Variants in B3GALT1 observed in about 807,000 individuals in gnomAD.
B3GALT1 encodes beta-1,3-galactosyltransferase 1.
B3GALT1 carries 10 observed loss-of-function variants against 23.2 expected under a neutral mutation model. The observed-to-expected ratio is 0.43, with a 90% CI of 0.27 to 0.73. The LOEUF is 0.73. B3GALT1 is among the 30% of genes least tolerant of loss of function. The pLI is 0.21. For missense variants in B3GALT1, 299 were observed against 405.4 expected (o/e 0.74, Z 2.25); for synonymous variants, 156 against 141.5 (o/e 1.10, Z -0.73).
chr2:167,433,059 C>G (rs1450061594), intron 1 of B3GALT1, among the ~76,000 whole-genome samples: 3 of 152,306 alleles, frequency 2.0e-5, no homozygotes, highest in Admixed American at 6.5e-5. Context: ...TCACTGCCCT[C>G]AAAATACCTC....
chr2:167,391,094 T>C (rs1483346421), intron 1 of B3GALT1, among the ~76,000 whole-genome samples: 1 of 152,208 alleles, frequency 6.6e-6, no homozygotes, highest in Non-Finnish European at 1.5e-5. Flanking sequence ...ATGTGAAGGA[T>C]TCTAGTTTGC....
chr2:167,780,066 A>G (rs1308821477), intron 3 of B3GALT1, among the ~76,000 whole-genome samples: 6 of 152,198 alleles, frequency 3.9e-5, no homozygotes, highest in African/African-American at 1.4e-4. Flanking sequence ...GCAGGTTTGA[A>G]AGAGATTCGA....
At chr2:167,672,666 T>C (rs1574204903) in intron 3 of B3GALT1, among the ~76,000 whole-genome samples, 1 of 152,126 alleles carries the variant, frequency 6.6e-6, no homozygotes, top group Non-Finnish European at 1.5e-5. Flanking sequence ...CAAAAGTACT[T>C]ACCTTTAGGG....
intron 4 of B3GALT1, among the ~76,000 whole-genome samples, chr2:167,859,152 A>C (rs1027352763): frequency 6.6e-6 from 1 of 152,046 alleles, no homozygotes; most frequent in African/African-American, 2.4e-5. Context: ...CCCAGTGGAG[A>C]AGCCCCACCC....
chr2:167,824,280 A>ATGAT (rs1689167752), intron 4 of B3GALT1, among the ~76,000 whole-genome samples: 1 of 152,250 alleles, frequency 6.6e-6, no homozygotes, highest in Non-Finnish European at 1.5e-5. Context: ...ATGGCACAGA[A>ATGAT]TGATAGGATC....
intron 3 of B3GALT1, among the ~76,000 whole-genome samples, chr2:167,688,999 C>T (rs1031343460): frequency 6.6e-6 from 1 of 152,058 alleles, no homozygotes; most frequent in African/African-American, 2.4e-5. Flanking sequence ...GCACACTCCA[C>T]ATTACTTAAA....
At chr2:167,862,712 T>C (rs1690127722) in intron 4 of B3GALT1, 1 of 152,276 alleles carries the variant, frequency 6.6e-6, no homozygotes, top group Non-Finnish European at 1.5e-5. Context: ...TCCTAGGCCT[T>C]ACCTCTGGCT....
rs1690348602 is a variant in B3GALT1, at chr2:167,871,654, A to G, written c.*1634A>G. On this transcript the variant is annotated 3_prime_UTR_variant, in exon 5 of 5. Transcript: ENST00000392690. ...CTCTGGTTGGGGTATATTACAGTAAATGAAGCATATACTTTGCAAAATGCA... is the reference window on the plus strand; with the variant it reads ...CTCTGGTTGGGGTATATTACAGTAAGTGAAGCATATACTTTGCAAAATGCA... 6 of 152,194 alleles carry G rather than the reference A, an allele frequency of 3.9e-5. No homozygotes were observed. In the South Asian group the frequency reaches 1.2e-3, roughly 31 times the overall value. The allele number at this position is 152,194 out of a possible 1,614,324, so 9.4% of individuals were successfully genotyped here.
At chr2:167,527,329 TC>T (rs1238412954) in intron 2 of B3GALT1, among the ~76,000 whole-genome samples, 1 of 152,140 alleles carries the variant, frequency 6.6e-6, no homozygotes, top group Non-Finnish European at 1.5e-5. Context: ...CCCATTTTTT[TC>T]CTATTGGCTT....
chr2:167,507,193 G>C (rs577085429), intron 2 of B3GALT1, among the ~76,000 whole-genome samples: 1 of 152,202 alleles, frequency 6.6e-6, no homozygotes, highest in East Asian at 1.9e-4. Flanking sequence ...TCCAGTAACA[G>C]ATCTTGGTGA....
At chr2:167,572,764 C>T (rs79697087) in intron 2 of B3GALT1, among the ~76,000 whole-genome samples, 34 of 151,692 alleles carry the variant, frequency 2.2e-4, no homozygotes, top group Admixed American at 1.7e-3. Flanking sequence ...AAAATATGTC[C>T]GTATTTTTAC....
At chr2:167,657,238 A>G (rs1462193956) in intron 3 of B3GALT1, among the ~76,000 whole-genome samples, 1 of 152,060 alleles carries the variant, frequency 6.6e-6, no homozygotes, top group Non-Finnish European at 1.5e-5. Context: ...CTAAAGAGAT[A>G]TTTGAGCTGA....
Position 167,492,291 on chromosome 2 carries a change from A to G in B3GALT1, c.-410+2014A>G, listed in dbSNP as rs189026106. ...AGCAGTATGCTTTTAAGGTTCATCT[A>G]TGTTTTTCTGTGGCTTAATAGCTCA... On this transcript the variant is annotated intron_variant, in intron 2 of 4. Coordinates refer to ENST00000392690, the MANE Select transcript of B3GALT1 (RefSeq NM_020981.4). Among the ~76,000 whole-genome samples the G allele has an allele frequency of 1.2e-4, 19 of 152,292 alleles. 1 individual carries two copies. The highest frequency in any genetic ancestry group is 5.9e-4 in the Admixed American group (9 of 15,294).
At chr2:167,747,699 T>A (rs1370921401) in intron 3 of B3GALT1, among the ~76,000 whole-genome samples, 5 of 152,202 alleles carry the variant, frequency 3.3e-5, no homozygotes, top group Non-Finnish European at 5.9e-5. Flanking sequence ...GGGAACATAG[T>A]TTCCTGCGGA....
chr2:167,609,153 C>G (rs1312469060), intron 2 of B3GALT1, among the ~76,000 whole-genome samples: 1 of 152,102 alleles, frequency 6.6e-6, no homozygotes, highest in Non-Finnish European at 1.5e-5. Flanking sequence ...CAGAACCACA[C>G]CAACTGTCAT....
rs528587894 is a variant in B3GALT1, at chr2:167,445,463, G to A, written c.-510-44714G>A. On this transcript the variant is annotated intron_variant, in intron 1 of 4. Coordinates refer to ENST00000392690, the MANE Select transcript of B3GALT1 (RefSeq NM_020981.4). ...TTGATCTGTCTAATGTTGACAGTGG[G>A]GTGTTAAAGTCTTCCATTATTATTG... is the stretch of plus-strand genomic sequence containing the variant. 2.6e-5 allele frequency among the ~76,000 whole-genome samples: 4 copies of A among 152,196 alleles called. No individual in the cohort carries two copies. The East Asian group carries it at 7.7e-4, about 29-fold the overall frequency.
At chr2:167,471,637 A>G (rs1459746105) in intron 1 of B3GALT1, among the ~76,000 whole-genome samples, 3 of 152,208 alleles carry the variant, frequency 2.0e-5, no homozygotes, top group African/African-American at 4.8e-5. Flanking sequence ...TTTCCAAATT[A>G]CTTATAAGAT....
intron 2 of B3GALT1, among the ~76,000 whole-genome samples, chr2:167,492,712 A>G (rs961862600): frequency 2.0e-5 from 3 of 152,188 alleles, no homozygotes; most frequent in African/African-American, 7.2e-5. Context: ...ATGTTCTAAC[A>G]TAATAAACTG....
At chr2:167,578,680 C>T (rs1025691809) in intron 2 of B3GALT1, among the ~76,000 whole-genome samples, 2 of 151,822 alleles carry the variant, frequency 1.3e-5, no homozygotes, top group African/African-American at 4.8e-5. Flanking sequence ...GTCTTAAAAT[C>T]ATAACAGATG....
Sources: allele counts gnomAD v4.1 joint callset (sites outside exome capture counted in the v4.1 genomes callset), GRCh38; gene constraint gnomAD v4.1.1; transcripts MANE v1.5; gene names NCBI Gene and HGNC (gene_info 2026-07-23, HGNC 2026-07-21).